The following PPP1R9A variants were observed in gnomAD, a reference collection of about 807,000 sequenced individuals.
PPP1R9A encodes the protein protein phosphatase 1 regulatory subunit 9A.
A neutral mutation model predicts 141.9 loss-of-function variants in PPP1R9A; 59 were observed. The ratio of observed to expected loss-of-function variants is 0.42; its 90% confidence interval spans 0.34 to 0.52. PPP1R9A has a LOEUF of 0.52. Among genes scored for constraint, PPP1R9A ranks in the 20% least tolerant of loss-of-function variants. PPP1R9A has a pLI of 0.10. For missense variants in PPP1R9A, 1,444 were observed against 1,611.9 expected (o/e 0.90, Z 1.78); for synonymous variants, 500 against 569.7 (o/e 0.88, Z 1.74).
intron 2 of PPP1R9A, among the ~76,000 whole-genome samples, chr7:95,064,277 T>C (rs1812650465): frequency 6.6e-6 from 1 of 152,210 alleles, no homozygotes. Flanking sequence ...ACATTTTTGA[T>C]TCATTAACTT....
intron 5 of PPP1R9A, among the ~76,000 whole-genome samples, chr7:95,176,886 T>G (rs1832985535): frequency 6.6e-6 from 1 of 152,066 alleles, no homozygotes; most frequent in Admixed American, 6.6e-5. Context: ...CCACCAAACC[T>G]AAGAATAATC....
At chr7:95,246,045 A>G (rs892677787) in intron 8 of PPP1R9A, among the ~76,000 whole-genome samples, 13 of 152,184 alleles carry the variant, frequency 8.5e-5, no homozygotes, top group Non-Finnish European at 1.8e-4. Flanking sequence ...TGCCTTTTGC[A>G]TAACAGGAGG....
At chr7:94,980,518 C>T (rs1334095469) in intron 2 of PPP1R9A, among the ~76,000 whole-genome samples, 2 of 151,950 alleles carry the variant, frequency 1.3e-5, no homozygotes, top group Admixed American at 6.6e-5. Flanking sequence ...AGTGTGGTGA[C>T]GCAACCTCCT....
rs186175062 is a variant in PPP1R9A at position 94,968,899 on chromosome 7, A to G, written c.1395+57391A>G. 3.6e-3 allele frequency among the ~76,000 whole-genome samples: 546 copies of G among 151,780 alleles called. 5 individuals are homozygous for G. Among genetic ancestry groups the G allele is most frequent in the African/African-American group, 0.013 (520 of 41,398 alleles). On this transcript the variant is annotated intron_variant, in intron 2 of 19. Coordinates refer to ENST00000433360, the MANE Select transcript of PPP1R9A (RefSeq NM_001166160.2). ...CTTTATTTCATTAAGTTGATCTTCAATCTTGGATACGCTTTCTTCTGCTTG... is the reference window on the plus strand; with the variant it reads ...CTTTATTTCATTAAGTTGATCTTCAGTCTTGGATACGCTTTCTTCTGCTTG...
chr7:94,983,033 A>G (rs1800322047), intron 2 of PPP1R9A, among the ~76,000 whole-genome samples: 1 of 152,198 alleles, frequency 6.6e-6, no homozygotes, highest in African/African-American at 2.4e-5. Context: ...AGCTTTCTAC[A>G]TATGGCTAGC....
intron 5 of PPP1R9A, among the ~76,000 whole-genome samples, chr7:95,172,283 C>A (rs546712338): frequency 6.6e-6 from 1 of 151,634 alleles, no homozygotes; most frequent in East Asian, 1.9e-4. Context: ...AATTGAAAGC[C>A]CATAGAATGA....
intron 2 of PPP1R9A, among the ~76,000 whole-genome samples, chr7:94,973,465 G>A (rs1799083264): frequency 6.6e-6 from 1 of 151,914 alleles, no homozygotes; most frequent in Admixed American, 6.6e-5. Flanking sequence ...AAAAGTGAAC[G>A]TTATAGATTT....
intron 14 of PPP1R9A, among the ~76,000 whole-genome samples, chr7:95,271,107 T>A (rs945458121): frequency 2.0e-5 from 3 of 152,160 alleles, no homozygotes; most frequent in African/African-American, 7.2e-5. Flanking sequence ...GCACATATCA[T>A]ATGATTTAAA....
At chr7:95,083,344 G>A (rs929210422) in intron 2 of PPP1R9A, among the ~76,000 whole-genome samples, 2 of 151,550 alleles carry the variant, frequency 1.3e-5, no homozygotes, top group South Asian at 4.1e-4. Context: ...CCTTGCCCCC[G>A]GTATAGGGCA....
chr7:95,253,646 T>C (rs979692437), intron 12 of PPP1R9A, among the ~76,000 whole-genome samples: 3 of 152,140 alleles, frequency 2.0e-5, no homozygotes, highest in African/African-American at 7.2e-5. Flanking sequence ...ATTTTAAAAG[T>C]AGTATTTCCT....
intron 4 of PPP1R9A, among the ~76,000 whole-genome samples, chr7:95,137,164 C>T (rs1175807738): frequency 6.6e-6 from 1 of 151,394 alleles, no homozygotes; most frequent in East Asian, 1.9e-4. Context: ...ATACGTGTGC[C>T]ATGTTGGTGT....
At chr7:95,042,360 T>C (rs912920577) in intron 2 of PPP1R9A, among the ~76,000 whole-genome samples, 1 of 152,178 alleles carries the variant, frequency 6.6e-6, no homozygotes, top group Non-Finnish European at 1.5e-5. Context: ...TAAAAACTGA[T>C]ATGTTTTATT....
At chr7:95,017,851 CA>C (rs1326113179) in intron 2 of PPP1R9A, among the ~76,000 whole-genome samples, 1 of 152,144 alleles carries the variant, frequency 6.6e-6, no homozygotes, top group Non-Finnish European at 1.5e-5. Context: ...GGTTCTCTGA[CA>C]TTTCTACACA....
chr7:95,150,097 T>C (rs1828380184), intron 4 of PPP1R9A, among the ~76,000 whole-genome samples: 1 of 150,054 alleles, frequency 6.7e-6, no homozygotes, highest in South Asian at 2.1e-4. Context: ...AAGCAATACA[T>C]TAGAGAAAAT....
intron 17 of PPP1R9A, among the ~76,000 whole-genome samples, chr7:95,285,855 A>G (rs1805215546): frequency 6.6e-6 from 1 of 152,130 alleles, no homozygotes; most frequent in African/African-American, 2.4e-5. Flanking sequence ...ACCATCTTGT[A>G]TTTTTACTTA....
At chr7:95,269,658 T>G (rs1801858038) in intron 14 of PPP1R9A, among the ~76,000 whole-genome samples, 151 bp downstream of exon 14, 2 of 152,118 alleles carry the variant, frequency 1.3e-5, no homozygotes, top group Admixed American at 1.3e-4. Flanking sequence ...AAACAACCCC[T>G]CCATGTATTT....
intron 4 of PPP1R9A, among the ~76,000 whole-genome samples, chr7:95,132,592 G>A (rs1362793748): frequency 2.0e-5 from 3 of 152,156 alleles, no homozygotes; most frequent in African/African-American, 7.2e-5. Flanking sequence ...GCAGGAGGGA[G>A]GATTCCGGTG....
chr7:95,011,947 AT>A (rs1804482371), intron 2 of PPP1R9A, among the ~76,000 whole-genome samples: 1 of 152,212 alleles, frequency 6.6e-6, no homozygotes, highest in South Asian at 2.1e-4. Context: ...GATATATAAA[AT>A]ATTCACTTAA....
intron 12 of PPP1R9A, among the ~76,000 whole-genome samples, chr7:95,262,257 T>A (rs1800548709): frequency 6.6e-6 from 1 of 152,208 alleles, no homozygotes; most frequent in Non-Finnish European, 1.5e-5. Context: ...CCACATGATG[T>A]CATAGTTCTA....
Sources: allele counts gnomAD v4.1 joint callset (sites outside exome capture counted in the v4.1 genomes callset), GRCh38; gene constraint gnomAD v4.1.1; transcripts MANE v1.5; gene names NCBI Gene and HGNC (gene_info 2026-07-23, HGNC 2026-07-21).